Variants in VPS39 observed in about 807,000 individuals in gnomAD.
The protein encoded by VPS39 is vam6/Vps39-like protein.
In VPS39, 70 loss-of-function variants were observed where a neutral mutation model predicts 121.0. The ratio of observed to expected loss-of-function variants is 0.58; its 90% CI spans 0.48 to 0.71. VPS39 has a LOEUF of 0.71. Ranked by LOEUF, VPS39 falls within the 30% of genes least tolerant of loss-of-function variation. VPS39 has a pLI of 0.00. For missense variants in VPS39, 818 were observed against 1,051.5 expected, an observed-to-expected ratio of 0.78 and a Z score of 3.07; for synonymous variants, 378 against 398.1, an observed-to-expected ratio of 0.95 and a Z score of 0.60.
At chr15:42,170,770 T>TTTTTTAG (rs2049332485) in intron 11 of VPS39, among the ~76,000 whole-genome samples, 1 of 141,200 alleles carries the variant, frequency 7.1e-6, no homozygotes, top group East Asian at 2.1e-4. Context: ...TTTTTTTTTT[T>TTTTTTAG]GAGACAGGGT....
chr15:42,206,186 A>G (rs2050167581), intron 1 of VPS39, among the ~76,000 whole-genome samples: 1 of 152,196 alleles, frequency 6.6e-6, no homozygotes, highest in African/African-American at 2.4e-5. Flanking sequence ...TCTCTAAGAC[A>G]TTTACACCTC....
At position 42,187,323 on chromosome 15, in the gene VPS39, C is replaced by G; in HGVS notation, c.482G>C (p.Trp161Ser). ...SVPDVPKSMA[W>S]CENSICVGFK... The stretch of plus-strand genomic sequence containing the variant: ...ACCCACACAGATAGAATTTTCACAC[C>G]ACGCCATGGACTTGGGCACATCTGG... Residue 161 changes from tryptophan to serine, a missense_variant, in exon 7 of 25, where the codon TGG (tryptophan) becomes TCG (serine). By Grantham distance (177) the Trp-to-Ser change is radical. Coordinates refer to ENST00000318006, the MANE Select transcript of VPS39 (RefSeq NM_015289.5). 13 of 1,613,620 alleles carry G rather than the reference C, an allele frequency of 8.1e-6. No individual in the cohort carries two copies. Among genetic ancestry groups the G allele is most frequent in the Non-Finnish European group, 1.1e-5 (13 of 1,179,902 alleles).
rs755666688 is a variant in VPS39, at chr15:42,206,804, GT to G, written c.73+1276del. Among the ~76,000 whole-genome samples the G allele has an allele frequency of 1.0e-3, 157 of 152,290 alleles. 2 individuals are homozygous for G. Among genetic ancestry groups the G allele is most frequent in the Non-Finnish European group, 1.8e-3 (122 of 68,026 alleles). On this transcript the variant is annotated intron_variant, in intron 1 of 24. Coordinates refer to ENST00000318006, the MANE Select transcript of VPS39 (RefSeq NM_015289.5). ...CTGTCCCAAGCAAAGAGAATGGCCC[GT>G]GTAGCCACCTAATAAGTATATCTGA... is the stretch of plus-strand genomic sequence containing the variant.
intron 5 of VPS39, 51 bp from the exon 6 acceptor site, chr15:42,187,907 GAGTGATAACTAAATT>G: frequency 6.6e-7 from 1 of 1,506,982 alleles, no homozygotes; most frequent in Non-Finnish European, 9.2e-7. Flanking sequence ...CTCTCTAACT[GAGTGATAACTAAATT>G]AGAGATTGTC....
Position 42,166,638 on chromosome 15 carries a change from G to A in VPS39, c.1531C>T (p.Leu511Phe), listed in dbSNP as rs763800311. The A allele has an allele frequency of 1.6e-5, 26 of 1,614,026 alleles. No homozygotes were observed. The highest frequency in any genetic ancestry group is 2.1e-5 in the Non-Finnish European group (25 of 1,180,046). Residue 511 changes from leucine to phenylalanine, a missense_variant, in exon 15 of 25, where the codon CTC becomes TTC. Leu to Phe is a conservative substitution (Grantham distance 22). Coordinates refer to ENST00000318006, the MANE Select transcript of VPS39 (RefSeq NM_015289.5). ...KGLHEKALQV[L>F]VDQSKKANSP... ...TTGGCTTTCTTGGACTGGTCCACGA[G>A]CACCTGCAGAGCTGGCCACCAAGCC...
At chr15:42,191,308 T>C in intron 3 of VPS39, 141 bp from the exon 4 acceptor site, 1 of 1,159,100 alleles carries the variant, frequency 8.6e-7, no homozygotes, top group South Asian at 1.4e-5. Flanking sequence ...GCACTATAAT[T>C]TCTGTGATTA....
intron 12 of VPS39, among the ~76,000 whole-genome samples, chr15:42,169,433 T>C (rs2049304899): frequency 6.6e-6 from 1 of 152,234 alleles, no homozygotes. Flanking sequence ...TTAAAAAAAC[T>C]TGTATGCTTC....
rs1426932006 is a variant in VPS39, at chr15:42,160,832, G to C, written c.2553-3C>G. 6.2e-7 allele frequency: 1 copy of C among 1,614,018 alleles called. No homozygotes were observed. Among genetic ancestry groups the C allele is most frequent in the Non-Finnish European group, 8.5e-7 (1 of 1,179,904 alleles). On this transcript the variant is annotated splice_polypyrimidine_tract_variant and splice_region_variant and intron_variant, in intron 24 of 24. Transcript: ENST00000318006. ...CATTGGGGTATCTTGCAAATGCACT[G>C]CAGGGAAGAAAATGGCTTGGGAGTG... is the stretch of plus-strand genomic sequence containing the variant.
rs959034012 is a variant in VPS39, at chr15:42,178,497, C to A, written c.792G>T (p.Leu264=). The A allele has an allele frequency of 1.2e-5, 20 of 1,614,004 alleles. No homozygotes were observed. Among genetic ancestry groups the A allele is most frequent in the Non-Finnish European group, 1.7e-5 (20 of 1,180,042 alleles). Reference sequence around the variant, plus strand: ...GCCTTTGCAATTCAATGCTTTGGACCAGAAGCCTCGGTTCAAATGTTCGGA... The same window carrying A: ...GCCTTTGCAATTCAATGCTTTGGACAAGAAGCCTCGGTTCAAATGTTCGGA... The part of the protein sequence containing the change: ...VEIRTFEPRL[L]VQSIELQRPR... Residue 264 remains leucine, a synonymous_variant, in exon 9 of 25, where the codon CTG becomes CTT. Transcript: ENST00000318006.
intron 2 of VPS39, chr15:42,192,008 A>G: frequency 3.3e-6 from 5 of 1,521,132 alleles, no homozygotes; most frequent in Non-Finnish European, 4.4e-6. Context: ...TCACGGAGAC[A>G]GAGCAAACAC....
In VPS39 at chr15:42,160,380, C is replaced by A. The variant is rs1306419430; in HGVS notation, c.*374G>T. 4 of 255,100 alleles carry A rather than the reference C, an allele frequency of 1.6e-5. No individual in the cohort carries two copies. The highest frequency in any genetic ancestry group is 3.1e-5 in the Non-Finnish European group (4 of 127,282). 15.8% of individuals were successfully genotyped at this position (255,100 alleles called of 1,614,324 possible). ...CCATGCTGAGCGGTCCTTGTGAAGT[C>A]ATGTACTTAATAGAAAAGCCCTTGA... On this transcript the variant is annotated 3_prime_UTR_variant, in exon 25 of 25. Coordinates refer to ENST00000318006, the MANE Select transcript of VPS39 (RefSeq NM_015289.5).
chr15:42,195,207 G>C (rs377167553), intron 2 of VPS39, among the ~76,000 whole-genome samples: 41 of 152,210 alleles, frequency 2.7e-4, no homozygotes, highest in East Asian at 2.5e-3. Context: ...TTGGGAGGTC[G>C]AGGCGGGCGG....
intron 11 of VPS39, 105 bp downstream of exon 11, chr15:42,173,618 G>A: frequency 6.8e-7 from 1 of 1,463,566 alleles, no homozygotes; most frequent in East Asian, 2.3e-5. Context: ...ATTTAGCTGA[G>A]CCTAAACCTT....
In VPS39 at chr15:42,166,281, T is replaced by C. The variant is rs149399059; in HGVS notation, c.1607-49A>G. ...CAGCAGTTGAGGCCCATCTTGCCTGTGGCACTGGGAAGGCAGGTGGGCAGG... is the reference window on the plus strand; with the variant it reads ...CAGCAGTTGAGGCCCATCTTGCCTGCGGCACTGGGAAGGCAGGTGGGCAGG... On this transcript the variant is annotated intron_variant, in intron 15 of 24. Transcript: ENST00000318006. The C allele has an allele frequency of 8.3e-3, 13,127 of 1,575,222 alleles. 75 individuals are homozygous for C. The highest frequency in any genetic ancestry group is 9.8e-3 in the Non-Finnish European group (11,181 of 1,145,464).
intron 10 of VPS39, among the ~76,000 whole-genome samples, chr15:42,175,089 CAG>C (rs1156376071): frequency 1.3e-5 from 2 of 152,160 alleles, no homozygotes; most frequent in East Asian, 1.9e-4. Context: ...TTTAAAATGG[CAG>C]AGAGAGCACA....
At chr15:42,189,277 A>C in intron 4 of VPS39, 69 bp from the exon 5 acceptor site, 1 of 1,267,678 alleles carries the variant, frequency 7.9e-7, no homozygotes, top group East Asian at 2.3e-5. Context: ...TATCGAGGCA[A>C]AAAAAGTAAC....
At chr15:42,200,175 T>C (rs532559815) in intron 1 of VPS39, among the ~76,000 whole-genome samples, 2 of 152,274 alleles carry the variant, frequency 1.3e-5, no homozygotes, top group East Asian at 1.9e-4. Flanking sequence ...AACACATTTA[T>C]TGAATAATTA....
intron 2 of VPS39, among the ~76,000 whole-genome samples, chr15:42,191,779 C>A (rs148234318): frequency 6.6e-6 from 1 of 152,312 alleles, no homozygotes; most frequent in East Asian, 1.9e-4. Context: ...CTTCACTCGG[C>A]ATCAGCAGAA....
At chr15:42,199,694 A>C (rs2140889156) in intron 2 of VPS39, 1 of 560,956 alleles carries the variant, frequency 1.8e-6, no homozygotes, top group African/African-American at 2.0e-5. Flanking sequence ...CCAGCAATTC[A>C]TCCTCACCTC....
Sources: allele counts gnomAD v4.1 joint callset (sites outside exome capture counted in the v4.1 genomes callset), GRCh38; gene constraint gnomAD v4.1.1; transcripts MANE v1.5; gene names NCBI Gene and HGNC (gene_info 2026-07-23, HGNC 2026-07-21).